FAM135A: variants seen among roughly 807,000 people sequenced by gnomAD.
The protein encoded by FAM135A is family with sequence similarity 135 member A, also known as protein FAM135A.
Under a neutral mutation model 146.8 loss-of-function variants are expected in FAM135A, and 79 were observed. The observed-to-expected ratio is 0.54, with a 90% confidence interval of 0.45 to 0.65. The LOEUF (loss-of-function observed/expected upper bound fraction) is 0.65. Ranked by LOEUF, FAM135A falls within the 30% of genes least tolerant of loss-of-function variation. FAM135A has a pLI of 0.00. For missense variants in FAM135A, 1,623 were observed against 1,758.2 expected (o/e 0.92, Z 1.38); for synonymous variants, 562 against 603.6 (o/e 0.93, Z 1.01).
At chr6:70,469,354 C>G (rs1055920695) in intron 5 of FAM135A, among the ~76,000 whole-genome samples, 11 of 152,146 alleles carry the variant, frequency 7.2e-5, no homozygotes, top group African/African-American at 2.7e-4. Context: ...ATGTAAGTCA[C>G]TGGTATTTCT....
At chr6:70,491,956 T>C (rs183555284) in intron 11 of FAM135A, among the ~76,000 whole-genome samples, 117 of 151,980 alleles carry the variant, frequency 7.7e-4, no homozygotes, top group Non-Finnish European at 9.7e-4. Flanking sequence ...CTAAAAGATA[T>C]CAAATTTTAC....
chr6:70,491,779 C>G (rs1786032755), intron 11 of FAM135A, among the ~76,000 whole-genome samples: 1 of 151,782 alleles, frequency 6.6e-6, no homozygotes, highest in African/African-American at 2.4e-5. Flanking sequence ...AAGATATTTT[C>G]TTTAAAAAAG....
intron 5 of FAM135A, among the ~76,000 whole-genome samples, chr6:70,468,719 C>CTAGAGAG (rs1217438371): frequency 6.6e-6 from 1 of 152,140 alleles, no homozygotes; most frequent in African/African-American, 2.4e-5. Context: ...TGTCTCCTTC[C>CTAGAGAG]TAGAGAGTAA....
chr6:70,442,238 G>GTTTTTTT (rs147268217), intron 4 of FAM135A, among the ~76,000 whole-genome samples: 2 of 136,410 alleles, frequency 1.5e-5, no homozygotes, highest in African/African-American at 5.6e-5. Context: ...TTTCTTCATG[G>GTTTTTTT]GTTTTTTTTT....
At chr6:70,481,292 A>G (rs1783654968) in intron 9 of FAM135A, among the ~76,000 whole-genome samples, 1 of 152,214 alleles carries the variant, frequency 6.6e-6, no homozygotes, top group Non-Finnish European at 1.5e-5. Flanking sequence ...CCTTGGTCCA[A>G]CAACTGGTAG....
chr6:70,502,863 CA>C (rs1788893301), intron 12 of FAM135A, 72 bp downstream of exon 12: 1 of 1,463,640 alleles, frequency 6.8e-7, no homozygotes. Flanking sequence ...TTTATGAAAA[CA>C]AACCTGATTT....
intron 10 of FAM135A, among the ~76,000 whole-genome samples, chr6:70,488,423 A>G (rs1256687641): frequency 6.6e-6 from 1 of 151,672 alleles, no homozygotes; most frequent in African/African-American, 2.4e-5. Context: ...ATATGGAAGG[A>G]TATGCTCTAG....
At chr6:70,504,911 G>T (rs1789393558) in intron 12 of FAM135A, 1 of 149,900 alleles carries the variant, frequency 6.7e-6, no homozygotes, top group Admixed American at 6.7e-5. Context: ...AGTGAGCTGA[G>T]ATCACACCAC....
chr6:70,543,857 T>G (rs1321159569), intron 20 of FAM135A, among the ~76,000 whole-genome samples: 1 of 152,214 alleles, frequency 6.6e-6, no homozygotes, highest in African/African-American at 2.4e-5. Context: ...TTTTTTCTTT[T>G]AAGTTATTAA....
At chr6:70,543,718 A>G (rs984164541) in intron 20 of FAM135A, among the ~76,000 whole-genome samples, 1 of 152,242 alleles carries the variant, frequency 6.6e-6, no homozygotes, top group Admixed American at 6.5e-5. Flanking sequence ...GGCAAAGCTG[A>G]ACATAAGTGT....
chr6:70,546,061 CG>C (rs1021116831), intron 20 of FAM135A, among the ~76,000 whole-genome samples: 3 of 150,194 alleles, frequency 2.0e-5, no homozygotes, highest in Non-Finnish European at 3.0e-5. Context: ...GTTTTTTTTT[CG>C]GGGGGGCATA....
chr6:70,453,929 G>A (rs1410519526), intron 5 of FAM135A, among the ~76,000 whole-genome samples: 1 of 152,200 alleles, frequency 6.6e-6, no homozygotes, highest in Non-Finnish European at 1.5e-5. Context: ...TATATACCCA[G>A]TAATGAGATC....
chr6:70,526,079 A>T lies in FAM135A; in HGVS notation c.2995A>T (p.Asn999Tyr), dbSNP rs766834182. 48 of 1,612,600 alleles carry T rather than the reference A, an allele frequency of 3.0e-5. No individual in the cohort carries two copies. The highest frequency in any genetic ancestry group is 3.7e-5 in the Non-Finnish European group (44 of 1,179,522). ...TAGTGAAGATAGAACTATGAAAAAAAATAGTGATGTATTAAATCTCACACA... is the reference window on the plus strand; with the variant it reads ...TAGTGAAGATAGAACTATGAAAAAATATAGTGATGTATTAAATCTCACACA... ...DVSEDRTMKK[N>Y]SDVLNLTQMY... The change falls in exon 15 of 22, where the codon AAT becomes TAT. Residue 999 changes from asparagine to tyrosine, a missense_variant. Asn to Tyr is a moderately radical substitution (Grantham distance 143, BLOSUM62 -2). Around this residue, in one of 7 missense-constraint regions of FAM135A, gnomAD observed 1,061 missense variants for 1,113.8 expected, o/e 0.95. Transcript: ENST00000418814.
At chr6:70,458,731 C>T (rs777135501) in intron 5 of FAM135A, among the ~76,000 whole-genome samples, 5 of 152,102 alleles carry the variant, frequency 3.3e-5, no homozygotes, top group African/African-American at 7.2e-5. Context: ...TTATGACATG[C>T]GTCTCACAAG....
In FAM135A at chr6:70,491,035, G is replaced by T. The variant is rs1197830253; in HGVS notation, c.825G>T (p.Glu275Asp). 1 of 1,597,264 alleles carries T rather than the reference G, an allele frequency of 6.3e-7. No homozygotes were observed. The highest frequency in any genetic ancestry group is 1.1e-5 in the South Asian group (1 of 87,698). The change falls in exon 11 of 22, where the codon GAG becomes GAT. Residue 275 changes from glutamate (E) to aspartate (D), a missense_variant and splice_region_variant. Coordinates refer to ENST00000418814, the MANE Select transcript of FAM135A (RefSeq NM_001162529.3). ...EIPSCQKLEL[E>D]EMDVEARLTE... ...TCCTCTACTCTTTACTCCTTCCAGA[G>T]GAAATGGATGTAGAAGCTCGACTTA...
rs549818505 is a variant in FAM135A, at chr6:70,559,340, C to T, written c.4343-376C>T. ...CCTGTAATCCCAGCTACTCAGGAGG[C>T]GGAGACAGGAGAATGGCTTGAACCC... On this transcript the variant is annotated intron_variant, in intron 21 of 21. Coordinates refer to ENST00000418814, the MANE Select transcript of FAM135A (RefSeq NM_001162529.3). Among the ~76,000 whole-genome samples, 689 of 151,604 alleles carry T rather than the reference C, an allele frequency of 4.5e-3. 4 individuals are homozygous for T. The highest frequency in any genetic ancestry group is 7.2e-3 in the Non-Finnish European group (487 of 67,944).
At position 70,444,458 on chromosome 6, in the gene FAM135A, G is replaced by A. The variant is rs912895784; in HGVS notation, c.78-8034G>A. 6.6e-5 allele frequency among the ~76,000 whole-genome samples: 10 copies of A among 151,918 alleles called. No individual in the cohort carries two copies. The South Asian group carries it at 8.3e-4, about 13-fold the overall frequency. ...GCATGCCTGTGGGTTCCAGCTACTCGGGAGGCTGAGATGGGAGGATTGCTT... is the reference window on the plus strand; with the variant it reads ...GCATGCCTGTGGGTTCCAGCTACTCAGGAGGCTGAGATGGGAGGATTGCTT... On this transcript the variant is annotated intron_variant, in intron 4 of 21. Transcript: ENST00000418814.
chr6:70,551,793 A>G (rs1799877301), intron 20 of FAM135A, among the ~76,000 whole-genome samples: 3 of 152,212 alleles, frequency 2.0e-5, no homozygotes, highest in Non-Finnish European at 2.9e-5. Context: ...AGCATAGTCC[A>G]TAAGTTCACT....
At position 70,533,772 on chromosome 6, in the gene FAM135A, G is replaced by T; in HGVS notation, c.3883G>T (p.Asp1295Tyr). Residue 1295 changes from aspartate to tyrosine, a missense_variant, in exon 18 of 22, where the codon GAT becomes TAT. Around this residue, in one of 7 missense-constraint regions of FAM135A, gnomAD observed 1,061 missense variants for 1,113.8 expected, o/e 0.95. Transcript: ENST00000418814. ...TTCTTTTTAGAATGATACTTTTGCT[G>T]ATTTTGATAGCATGACTGATCGTCT... ...SERNQNDTFA[D>Y]FDSMTDRLLD... The T allele has an allele frequency of 6.3e-7, 1 of 1,584,376 alleles. No homozygotes were observed.
Sources: gnomAD v4.1 joint callset for allele counts (sites outside exome capture counted in the v4.1 genomes callset) on GRCh38, gnomAD v4.1.1 for gene constraint, gnomAD v4.1.1 regional missense constraint, MANE v1.5 for transcripts, NCBI Gene and HGNC (gene_info 2026-07-23, HGNC 2026-07-21) for gene names.